Variants in DLG2 observed in about 807,000 individuals in gnomAD.
The protein encoded by DLG2 is disks large homolog 2.
DLG2 carries 45 observed loss-of-function variants against 132.5 expected under a neutral mutation model. The ratio of observed to expected loss-of-function variants is 0.34; its 90% CI spans 0.27 to 0.44. The LOEUF is 0.44. Ranked by LOEUF, DLG2 falls within the 20% of genes least tolerant of loss-of-function variation. The probability of loss-of-function intolerance (pLI) is 1.00; values close to 1 mark genes in which losing one functional copy is unlikely to be tolerated. For synonymous variants in DLG2, 424 were observed against 419.6 expected, an observed-to-expected ratio of 1.01 and a Z score of -0.13; for missense variants, 1,045 against 1,196.9, an observed-to-expected ratio of 0.87 and a Z score of 1.87.
rs143989860 is a variant in DLG2 at position 84,810,545 on chromosome 11, G to T, written c.358-275814C>A. On this transcript the variant is annotated intron_variant, in intron 6 of 27. Coordinates refer to ENST00000376104, the MANE Select transcript of DLG2 (RefSeq NM_001142699.3). Reference sequence around the variant, plus strand: ...CACATTCCTGGTGGGAATATAAAATGGTACAACCACTCTTGAAAACAGTGT... The same window carrying T: ...CACATTCCTGGTGGGAATATAAAATTGTACAACCACTCTTGAAAACAGTGT... Among the ~76,000 whole-genome samples, 239 of 152,160 alleles carry T rather than the reference G, an allele frequency of 1.6e-3. 1 individual carries two copies. Among genetic ancestry groups the T allele is most frequent in the Non-Finnish European group, 3.1e-3 (208 of 67,958 alleles).
intron 3 of DLG2, among the ~76,000 whole-genome samples, chr11:85,352,226 G>C (rs999636090): frequency 2.0e-5 from 3 of 152,158 alleles, no homozygotes; most frequent in Non-Finnish European, 4.4e-5. Context: ...TCTGATGGTA[G>C]TTTATATTTC....
At chr11:84,893,309 C>T (rs1943720) in intron 6 of DLG2, among the ~76,000 whole-genome samples, 14,705 of 152,198 alleles carry the variant, frequency 0.097, 940 homozygotes, top group African/African-American at 0.18. Context: ...TGTTTCTAGA[C>T]CCTAGATATG....
At chr11:83,525,123 G>T (rs1337604823) in intron 21 of DLG2, among the ~76,000 whole-genome samples, 2 of 152,258 alleles carry the variant, frequency 1.3e-5, no homozygotes, top group Admixed American at 6.5e-5. Flanking sequence ...AGACTATGAG[G>T]AATACATAAA....
chr11:83,911,067 C>T (rs2075959483), intron 15 of DLG2, among the ~76,000 whole-genome samples: 1 of 152,052 alleles, frequency 6.6e-6, no homozygotes, highest in Non-Finnish European at 1.5e-5. Flanking sequence ...AAGATAGGCA[C>T]TCACAAAGGT....
chr11:85,022,893 G>A (rs1365188214), intron 6 of DLG2, among the ~76,000 whole-genome samples: 3 of 151,892 alleles, frequency 2.0e-5, no homozygotes, highest in Non-Finnish European at 4.4e-5. Context: ...CTGCATCTGA[G>A]AATATAAAAC....
intron 6 of DLG2, among the ~76,000 whole-genome samples, chr11:84,598,263 A>G (rs989342883): frequency 6.6e-6 from 1 of 152,174 alleles, no homozygotes; most frequent in Non-Finnish European, 1.5e-5. Context: ...CTAGGTGTAG[A>G]TTACAGGTTC....
intron 3 of DLG2, among the ~76,000 whole-genome samples, chr11:85,498,843 T>C (rs1022663034): frequency 3.3e-5 from 5 of 152,256 alleles, no homozygotes; most frequent in Admixed American, 3.3e-4. Context: ...CCAGAATGAC[T>C]ACTGGGTAAA....
intron 6 of DLG2, among the ~76,000 whole-genome samples, chr11:85,094,875 C>T (rs1319187524): frequency 6.6e-6 from 1 of 152,218 alleles, no homozygotes; most frequent in East Asian, 1.9e-4. Context: ...TGGCTTTCAA[C>T]ATGCCTTCCT....
chr11:84,819,344 C>T (rs1448991262), intron 6 of DLG2, among the ~76,000 whole-genome samples: 1 of 151,894 alleles, frequency 6.6e-6, no homozygotes, highest in East Asian at 1.9e-4. Context: ...GTCTTGGAAG[C>T]CTGCCAGGAC....
intron 6 of DLG2, among the ~76,000 whole-genome samples, chr11:84,549,208 A>G (rs558544666): frequency 1.3e-5 from 2 of 152,346 alleles, no homozygotes; most frequent in South Asian, 2.1e-4. Context: ...TTTAAGTCAA[A>G]TTGCTTTGGT....
chr11:84,666,211 T>C (rs1467648231), intron 6 of DLG2, among the ~76,000 whole-genome samples: 1 of 152,110 alleles, frequency 6.6e-6, no homozygotes, highest in Non-Finnish European at 1.5e-5. Context: ...GTAAAGCAGA[T>C]TGCCCTCCAC....
intron 8 of DLG2, among the ~76,000 whole-genome samples, chr11:84,200,328 G>A (rs1328393493): frequency 6.6e-6 from 1 of 151,990 alleles, no homozygotes; most frequent in African/African-American, 2.4e-5. Flanking sequence ...ATAGCAGTTG[G>A]AATTTCAGAT....
At chr11:85,440,719 A>G (rs1215506784) in intron 3 of DLG2, among the ~76,000 whole-genome samples, 2 of 152,202 alleles carry the variant, frequency 1.3e-5, no homozygotes, top group African/African-American at 4.8e-5. Flanking sequence ...CAACCATATT[A>G]TCATCTTGTC....
chr11:84,344,021 G>A (rs1039130237), intron 7 of DLG2, among the ~76,000 whole-genome samples: 1 of 152,160 alleles, frequency 6.6e-6, no homozygotes, highest in South Asian at 2.1e-4. Context: ...TTCATGCAGA[G>A]TGAGGACAGA....
At chr11:84,574,532 A>G (rs1020615798) in intron 6 of DLG2, among the ~76,000 whole-genome samples, 2 of 152,194 alleles carry the variant, frequency 1.3e-5, no homozygotes, top group Admixed American at 6.6e-5. Flanking sequence ...AAAATTAAAG[A>G]ACCAAGCTAA....
At chr11:84,212,128 T>C (rs1379295761) in intron 8 of DLG2, among the ~76,000 whole-genome samples, 1 of 152,198 alleles carries the variant, frequency 6.6e-6, no homozygotes, top group East Asian at 1.9e-4. Flanking sequence ...AATGAGCAAA[T>C]GGAATATTCA....
At chr11:84,551,728 T>C (rs187380979) in intron 6 of DLG2, among the ~76,000 whole-genome samples, 65 of 152,324 alleles carry the variant, frequency 4.3e-4, no homozygotes, top group African/African-American at 1.4e-3. Flanking sequence ...ATGCATTTCT[T>C]ACTCTCTGAC....
intron 11 of DLG2, among the ~76,000 whole-genome samples, chr11:83,983,897 T>C (rs2093018190): frequency 6.6e-6 from 1 of 152,032 alleles, no homozygotes; most frequent in African/African-American, 2.4e-5. Context: ...TTTTAAAAAA[T>C]GTATTTACAA....
chr11:83,616,205 A>T (rs1233922318), intron 19 of DLG2, among the ~76,000 whole-genome samples: 9 of 152,240 alleles, frequency 5.9e-5, no homozygotes, highest in Admixed American at 5.9e-4. Context: ...TGCCATGCAC[A>T]TCCCTGTATA....
Sources: gnomAD v4.1 joint callset for allele counts (sites outside exome capture counted in the v4.1 genomes callset) on GRCh38, gnomAD v4.1.1 for gene constraint, MANE v1.5 for transcripts, NCBI Gene and HGNC (gene_info 2026-07-23, HGNC 2026-07-21) for gene names.